UGT2A1: variants seen among roughly 807,000 people sequenced by gnomAD.
The protein encoded by UGT2A1 is UDP-glucuronosyltransferase 2A1.
Under a neutral mutation model 45.4 loss-of-function variants are expected in UGT2A1, and 61 were observed. The observed-to-expected ratio is 1.34, with a 90% CI of 1.09 to 1.66. UGT2A1 has a LOEUF of 1.66. Ranked by LOEUF, UGT2A1 falls within the 40% of genes most tolerant of loss-of-function variation. The pLI, the probability that UGT2A1 is intolerant of heterozygous loss-of-function variation, is 0.00. For missense variants in UGT2A1, 649 were observed against 574.3 expected (o/e 1.13, Z -1.33); for synonymous variants, 229 against 196.2 (o/e 1.17, Z -1.40).
chr4:69,625,986 A>G (rs1042663509), intron 3 of UGT2A1, among the ~76,000 whole-genome samples: 2 of 151,626 alleles, frequency 1.3e-5, no homozygotes, highest in African/African-American at 4.8e-5. Context: ...CAAGCTATTT[A>G]TAATAGCTGT....
chr4:69,647,133 A>G lies in UGT2A1; in HGVS notation c.512T>C (p.Leu171Ser). Residue 171 changes from leucine to serine, a missense_variant, in exon 2 of 7, where the codon TTG (leucine) becomes TCG (serine). Physicochemically the swap from Leu to Ser is moderately radical, Grantham distance 145. Transcript: ENST00000286604. ...CACTGTTGAGGCTGGAGAAAACCTCAAGGAGTACATAAATGGAATTCCAAG... is the reference window on the plus strand; with the variant it reads ...CACTGTTGAGGCTGGAGAAAACCTCGAGGAGTACATAAATGGAATTCCAAG... ...LKLGIPFMYS[L>S]RFSPASTVEK... The G allele has an allele frequency of 1.2e-6, 2 of 1,613,002 alleles. No individual in the cohort carries two copies. The highest frequency in any genetic ancestry group is 1.7e-6 in the Non-Finnish European group (2 of 1,179,376).
intron 3 of UGT2A1, among the ~76,000 whole-genome samples, chr4:69,612,700 T>C (rs1720135904): frequency 6.6e-6 from 1 of 151,910 alleles, no homozygotes; most frequent in African/African-American, 2.4e-5. Flanking sequence ...AACCGGATTG[T>C]CACAATTTAC....
chr4:69,607,948 A>G (rs1309494098), intron 3 of UGT2A1, among the ~76,000 whole-genome samples: 2 of 152,202 alleles, frequency 1.3e-5, no homozygotes, highest in African/African-American at 4.8e-5. Context: ...GTCGAGAAAT[A>G]GGAACACTTT....
chr4:69,652,520 C>T (rs899572259), intron 1 of UGT2A1, among the ~76,000 whole-genome samples: 3 of 151,944 alleles, frequency 2.0e-5, no homozygotes, highest in Admixed American at 6.6e-5. Flanking sequence ...ATCCACCCTC[C>T]TCGGCCTCCC....
rs376517060 is a variant in UGT2A1, at chr4:69,601,746, A to AGCTGGTGCTAACAACCAAAAAAGAG, written c.848-2353_848-2352insCTCTTTTTTGGTTGTTAGCACCAGC. ...CCTGTCAGAGCTGGTGCTGGTATCC[A>AGCTGGTGCTAACAACCAAAAAAGAG]CTGATGGGAGACTAGAGGACAGGTC... On this transcript the variant is annotated intron_variant, in intron 3 of 6. Coordinates refer to ENST00000286604, the MANE Select transcript of UGT2A1 (RefSeq NM_001252275.3). 5.3e-4 allele frequency among the ~76,000 whole-genome samples: 74 copies of AGCTGGTGCTAACAACCAAAAAAGAG among 139,686 alleles called. 1 individual carries two copies. The highest frequency in any genetic ancestry group is 1.0e-3 in the East Asian group (5 of 4,922). The allele number at this position is 139,686 out of a possible 152,430, so 91.6% of individuals were successfully genotyped here. A position where few individuals can be genotyped will look rare whatever the true frequency, so the allele number is the denominator to read the frequency against.
chr4:69,647,444 T>C lies in UGT2A1; in HGVS notation c.201A>G (p.Pro67=), dbSNP rs760694329. 1.2e-6 allele frequency: 2 copies of C among 1,612,890 alleles called. No individual in the cohort carries two copies. The highest frequency in any genetic ancestry group is 1.1e-5 in the South Asian group (1 of 90,952). ...CCTTATATATTTCAAATGTCAGAGA[T>C]GGGTTAGAGGTTGGTGTGATGAAAA... is the stretch of plus-strand genomic sequence containing the variant. ...GALFITPTSN[P]SLTFEIYKVP... Residue 67 remains proline, a synonymous_variant, in exon 2 of 7, where the codon CCA becomes CCG. Transcript: ENST00000286604.
intron 3 of UGT2A1, among the ~76,000 whole-genome samples, chr4:69,600,809 T>TAAAA (rs34446108): frequency 0.01 from 1,463 of 145,854 alleles, 25 homozygotes; most frequent in African/African-American, 0.033. Context: ...GCTATACACT[T>TAAAA]AAAAAAAAAA....
At chr4:69,592,643 T>C (rs961254781) in intron 6 of UGT2A1, among the ~76,000 whole-genome samples, 1 of 152,108 alleles carries the variant, frequency 6.6e-6, no homozygotes, top group Non-Finnish European at 1.5e-5. Flanking sequence ...TGTGAACTAT[T>C]GGAGGCAATC....
chr4:69,647,504 C>T lies in UGT2A1; in HGVS notation c.141G>A (p.Glu47=), dbSNP rs768599325. ...KIIIDELIKK[E]HNVTVLVASG... ...AGGCAACTAGGACAGTCACATTATGCTCCTTTTTAATGAGCTCATCTATAA... is the reference window on the plus strand; with the variant it reads ...AGGCAACTAGGACAGTCACATTATGTTCCTTTTTAATGAGCTCATCTATAA... The change falls in exon 2 of 7, where the codon GAG becomes GAA. Residue 47 remains glutamate (E), a synonymous_variant. Coordinates refer to ENST00000286604, the MANE Select transcript of UGT2A1 (RefSeq NM_001252275.3). 6.2e-7 allele frequency: 1 copy of T among 1,612,988 alleles called. No individual in the cohort carries two copies. The highest frequency in any genetic ancestry group is 8.5e-7 in the Non-Finnish European group (1 of 1,179,302).
rs1720487145 is a variant in UGT2A1, at chr4:69,617,710, T to A, written c.847+17981A>T. Among the ~76,000 whole-genome samples the A allele has an allele frequency of 2.6e-5, 4 of 151,760 alleles. No individual in the cohort carries two copies. The Admixed American group carries it at 2.6e-4, about 10-fold the overall frequency. On this transcript the variant is annotated intron_variant, in intron 3 of 6. Coordinates refer to ENST00000286604, the MANE Select transcript of UGT2A1 (RefSeq NM_001252275.3). The stretch of plus-strand genomic sequence containing the variant: ...TTTAAAATACTAAAATAATATAAAT[T>A]ATTATTCATTATTGGGAGTTAACAT...
intron 3 of UGT2A1, among the ~76,000 whole-genome samples, chr4:69,610,886 A>G (rs1719995658): frequency 6.6e-6 from 1 of 152,150 alleles, no homozygotes; most frequent in South Asian, 2.1e-4. Context: ...GCTACACACC[A>G]CTGGTTAGGA....
intron 3 of UGT2A1, among the ~76,000 whole-genome samples, chr4:69,631,195 G>T (rs1408728904): frequency 6.6e-6 from 1 of 152,038 alleles, no homozygotes; most frequent in Non-Finnish European, 1.5e-5. Flanking sequence ...GTGAATCCTA[G>T]AATCACAAAG....
intron 3 of UGT2A1, among the ~76,000 whole-genome samples, chr4:69,625,817 A>C (rs1721022532): frequency 6.6e-6 from 1 of 151,546 alleles, no homozygotes; most frequent in Admixed American, 6.6e-5. Flanking sequence ...CAAATATTAA[A>C]ATTAATTAGT....
At chr4:69,638,012 G>A (rs1425726194) in intron 2 of UGT2A1, among the ~76,000 whole-genome samples, 21 of 150,998 alleles carry the variant, frequency 1.4e-4, no homozygotes, top group Admixed American at 1.4e-3. Context: ...AGGAAGGAAG[G>A]AAGGAAGGAA....
At chr4:69,643,605 G>A (rs537685724) in intron 2 of UGT2A1, among the ~76,000 whole-genome samples, 137 of 151,638 alleles carry the variant, frequency 9.0e-4, no homozygotes, top group African/African-American at 3.2e-3. Flanking sequence ...TGATATCCAT[G>A]AGTTTGAGCT....
intron 3 of UGT2A1, among the ~76,000 whole-genome samples, chr4:69,625,174 T>C (rs1351111393): frequency 6.7e-6 from 1 of 149,214 alleles, no homozygotes; most frequent in Non-Finnish European, 1.5e-5. Context: ...TCTTTTTTTT[T>C]CTTTGCTAGA....
chr4:69,633,579 G>A (rs2109959310), intron 3 of UGT2A1, among the ~76,000 whole-genome samples: 1 of 152,294 alleles, frequency 6.6e-6, no homozygotes, highest in South Asian at 2.1e-4. Flanking sequence ...TAAATAAAAT[G>A]TGATACATTA....
intron 3 of UGT2A1, among the ~76,000 whole-genome samples, chr4:69,608,540 T>C (rs900501416): frequency 6.6e-6 from 1 of 151,280 alleles, no homozygotes; most frequent in Non-Finnish European, 1.5e-5. Context: ...GTTGTGTACA[T>C]GTACCCTAAA....
chr4:69,643,414 A>G (rs115553454), intron 2 of UGT2A1, among the ~76,000 whole-genome samples: 5,966 of 151,732 alleles, frequency 0.039, 160 homozygotes, highest in Non-Finnish European at 0.06. Flanking sequence ...TCATTTGAAT[A>G]CTATTTTCTC....
Sources: gnomAD v4.1 joint callset for allele counts (sites outside exome capture counted in the v4.1 genomes callset) on GRCh38, gnomAD v4.1.1 for gene constraint, MANE v1.5 for transcripts, NCBI Gene and HGNC (gene_info 2026-07-23, HGNC 2026-07-21) for gene names.